The following PALLD variants were observed in gnomAD, a reference collection of about 807,000 sequenced individuals.
PALLD encodes palladin, cytoskeletal associated protein, also known as palladin.
In PALLD, 61 loss-of-function variants were observed where a neutral mutation model predicts 123.5. The observed-to-expected ratio is 0.49, with a 90% CI of 0.40 to 0.61. The LOEUF (loss-of-function observed/expected upper bound fraction) is 0.61. PALLD is among the 20% of genes least tolerant of loss of function. The pLI is 0.00. For missense variants in PALLD, 1,273 were observed against 1,377.0 expected, an observed-to-expected ratio of 0.92 and a Z score of 1.20; for synonymous variants, 465 against 496.4, an observed-to-expected ratio of 0.94 and a Z score of 0.84.
intron 6 of PALLD, among the ~76,000 whole-genome samples, chr4:168,687,094 C>G (rs1177446514): frequency 6.6e-6 from 1 of 152,136 alleles, no homozygotes; most frequent in East Asian, 1.9e-4. Flanking sequence ...AAACTAAAGA[C>G]AAATGTGAAA....
intron 10 of PALLD, chr4:168,877,767 A>G: frequency 8.4e-7 from 1 of 1,192,254 alleles, no homozygotes; most frequent in Non-Finnish European, 1.0e-6. Flanking sequence ...ATCCGACTGG[A>G]GCAGGAGGCC....
At chr4:168,501,059 C>T (rs187310616) in intron 1 of PALLD, among the ~76,000 whole-genome samples, 267 of 152,144 alleles carry the variant, frequency 1.8e-3, no homozygotes, top group African/African-American at 5.6e-3. Context: ...GGAGAAGTTG[C>T]GAACCATAAA....
At chr4:168,777,572 T>C (rs2150531805) in intron 10 of PALLD, among the ~76,000 whole-genome samples, 1 of 152,354 alleles carries the variant, frequency 6.6e-6, no homozygotes, top group Non-Finnish European at 1.5e-5. Flanking sequence ...CAGCAGGGAC[T>C]GTGGCAACCC....
At chr4:168,848,834 C>T (rs1476623887) in intron 10 of PALLD, among the ~76,000 whole-genome samples, 3 of 152,152 alleles carry the variant, frequency 2.0e-5, no homozygotes, top group African/African-American at 7.2e-5. Flanking sequence ...CTACCTGGAG[C>T]TCTTATTTCT....
chr4:168,892,865 A>T (rs575199818), intron 11 of PALLD, among the ~76,000 whole-genome samples: 2 of 152,242 alleles, frequency 1.3e-5, no homozygotes, highest in African/African-American at 4.8e-5. Flanking sequence ...TCTGTTTAGC[A>T]GTGAATAACA....
chr4:168,924,572 T>C (rs552822132), intron 19 of PALLD, 152 bp downstream of exon 19: 1 of 811,384 alleles, frequency 1.2e-6, no homozygotes, highest in Non-Finnish European at 2.1e-6. Context: ...AACCATGCGT[T>C]ACCCAATGTA....
intron 10 of PALLD, chr4:168,829,292 A>T (rs1743864668): frequency 4.5e-5 from 1 of 22,424 alleles, no homozygotes; most frequent in South Asian, 1.6e-3. Flanking sequence ...TAAGGCAGAC[A>T]CACAGAGATG....
chr4:168,801,525 G>T (rs1265347119), intron 10 of PALLD, among the ~76,000 whole-genome samples: 1 of 152,094 alleles, frequency 6.6e-6, no homozygotes, highest in African/African-American at 2.4e-5. Flanking sequence ...TGATCTGCCC[G>T]CCTCGGCCTC....
chr4:168,817,948 C>T (rs1742207517), intron 10 of PALLD, among the ~76,000 whole-genome samples: 1 of 152,110 alleles, frequency 6.6e-6, no homozygotes, highest in African/African-American at 2.4e-5. Flanking sequence ...CAGAAACTAC[C>T]AGAACCTGCC....
At chr4:168,672,778 C>G (rs1201106294) in intron 3 of PALLD, among the ~76,000 whole-genome samples, 1 of 152,008 alleles carries the variant, frequency 6.6e-6, no homozygotes. Flanking sequence ...TTTTTAACAG[C>G]AAGTTAAGCA....
At chr4:168,842,301 C>T (rs1462500045) in intron 10 of PALLD, among the ~76,000 whole-genome samples, 1 of 152,222 alleles carries the variant, frequency 6.6e-6, no homozygotes, top group African/African-American at 2.4e-5. Context: ...GACATTCCAG[C>T]TCACAGCAGT....
intron 10 of PALLD, among the ~76,000 whole-genome samples, chr4:168,782,048 C>T (rs1041224531): frequency 5.3e-5 from 8 of 152,150 alleles, no homozygotes; most frequent in Admixed American, 1.3e-4. Context: ...TCTGATGTTA[C>T]TAGCCATGTC....
chr4:168,621,514 T>A lies in PALLD; in HGVS notation c.909-46676T>A, dbSNP rs149750563. Among the ~76,000 whole-genome samples, 11 of 152,312 alleles carry A rather than the reference T, an allele frequency of 7.2e-5. No individual in the cohort carries two copies. In the East Asian group the frequency reaches 1.9e-3, roughly 27 times the overall value. The stretch of plus-strand genomic sequence containing the variant: ...CTCCTTACTCCTTCCACCACCCCAG[T>A]CTTGATAGTTAATCCTAGAAATTTT... On this transcript the variant is annotated intron_variant, in intron 2 of 21. Transcript: ENST00000505667.
chr4:168,718,474 C>T (rs947924547), intron 10 of PALLD, among the ~76,000 whole-genome samples: 1 of 152,126 alleles, frequency 6.6e-6, no homozygotes, highest in Non-Finnish European at 1.5e-5. Flanking sequence ...AACCTGTAGA[C>T]TTAAATCATC....
intron 2 of PALLD, among the ~76,000 whole-genome samples, chr4:168,662,015 G>A (rs1196504703): frequency 6.6e-6 from 1 of 151,814 alleles, no homozygotes; most frequent in Non-Finnish European, 1.5e-5. Flanking sequence ...CCCAAATATT[G>A]TATGATCTTT....
rs1419058722 is a variant in PALLD, at chr4:168,839,459, C to T, written c.1965-51463C>T. On this transcript the variant is annotated intron_variant, in intron 10 of 21. Coordinates refer to ENST00000505667, the MANE Select transcript of PALLD (RefSeq NM_001166108.2). ...AAAGCTACTTGCGGTTAGAATAATA[C>T]GAGAACTAGATATTGGTAATCTCAG... Among the ~76,000 whole-genome samples, 15 of 151,932 alleles carry T rather than the reference C, an allele frequency of 9.9e-5. No individual in the cohort carries two copies. In the East Asian group the frequency reaches 2.5e-3, roughly 26 times the overall value.
At chr4:168,922,142 C>CA (rs1289678137) in intron 18 of PALLD, among the ~76,000 whole-genome samples, 5 of 135,490 alleles carry the variant, frequency 3.7e-5, no homozygotes, top group African/African-American at 1.0e-4. Context: ...CACACACACA[C>CA]ACCTGGTTTT....
chr4:168,575,048 T>G (rs936790258), intron 2 of PALLD, among the ~76,000 whole-genome samples: 5 of 152,154 alleles, frequency 3.3e-5, no homozygotes, highest in African/African-American at 1.2e-4. Context: ...TTAATGCTTC[T>G]TAATCACCAT....
At chr4:168,621,639 T>C (rs1231532803) in intron 2 of PALLD, among the ~76,000 whole-genome samples, 1 of 152,224 alleles carries the variant, frequency 6.6e-6, no homozygotes, top group East Asian at 1.9e-4. Flanking sequence ...TTCCTTGTTT[T>C]GGTATGTAAG....
Sources: gnomAD v4.1 joint callset for allele counts (sites outside exome capture counted in the v4.1 genomes callset) on GRCh38, gnomAD v4.1.1 for gene constraint, MANE v1.5 for transcripts, NCBI Gene and HGNC (gene_info 2026-07-23, HGNC 2026-07-21) for gene names.